The following PCDHGA1 variants were observed in gnomAD, a reference collection of about 807,000 sequenced individuals.
The protein encoded by PCDHGA1 is protocadherin gamma subfamily A, 1, also known as protocadherin gamma-A1.
Under a neutral mutation model 58.0 loss-of-function variants are expected in PCDHGA1, and 32 were observed. The ratio of observed to expected loss-of-function variants is 0.55; its 90% CI spans 0.42 to 0.74. The LOEUF (loss-of-function observed/expected upper bound fraction) is 0.74. PCDHGA1 is among the 30% of genes least tolerant of loss of function. The pLI, the probability that PCDHGA1 is intolerant of heterozygous loss-of-function variation, is 0.00. For missense variants in PCDHGA1, 1,205 were observed against 1,182.3 expected, an observed-to-expected ratio of 1.02 and a Z score of -0.28; for synonymous variants, 498 against 501.1, an observed-to-expected ratio of 0.99 and a Z score of 0.08.
intron 1 of PCDHGA1, chr5:141,408,920 C>T (rs772932702): frequency 1.9e-6 from 3 of 1,613,506 alleles, no homozygotes; most frequent in Admixed American, 1.7e-5. Context: ...TGATAACCCC[C>T]CGGTTTTCAG....
At chr5:141,418,489 G>C (rs774653264) in intron 1 of PCDHGA1, 26 of 1,613,874 alleles carry the variant, frequency 1.6e-5, no homozygotes, top group Admixed American at 1.5e-4. Context: ...CTCACCACTT[G>C]GTACTGACCG....
chr5:141,477,845 GT>G lies in PCDHGA1; in HGVS notation c.2422-16961del, dbSNP rs1562065234. ...ATATCCTCGGCCAGGTGGGAGCTCG[GT>G]GGAGATGCTGCCTCGAGGTACCTCA... is the stretch of plus-strand genomic sequence containing the variant. On this transcript the variant is annotated intron_variant, in intron 1 of 3. Coordinates refer to ENST00000517417, the MANE Select transcript of PCDHGA1 (RefSeq NM_018912.3). This position sits in a 1 kb window ranked among gnomAD's most constrained non-coding sequence, Gnocchi z 4.9. 1 of 1,614,038 alleles carries G rather than the reference GT, an allele frequency of 6.2e-7. No homozygotes were observed. Among genetic ancestry groups the G allele is most frequent in the East Asian group, 2.2e-5 (1 of 44,896 alleles).
chr5:141,346,023 G>A (rs371997485), intron 1 of PCDHGA1: 1 of 1,613,446 alleles, frequency 6.2e-7, no homozygotes, highest in Non-Finnish European at 8.5e-7. Flanking sequence ...CACCGTGGCC[G>A]TGGCCGACAG....
chr5:141,470,837 G>A (rs932315417), intron 1 of PCDHGA1, among the ~76,000 whole-genome samples: 4 of 151,948 alleles, frequency 2.6e-5, no homozygotes, highest in Non-Finnish European at 4.4e-5. Flanking sequence ...ACAAACACAC[G>A]CCACCATGCT....
intron 1 of PCDHGA1, chr5:141,398,850 A>T (rs2093714845): frequency 6.2e-7 from 1 of 1,613,864 alleles, no homozygotes; most frequent in East Asian, 2.2e-5. Context: ...ATCCCCCGGT[A>T]TTCAACCGAG....
intron 1 of PCDHGA1, chr5:141,478,541 G>T (rs905837179): frequency 1.2e-6 from 2 of 1,605,590 alleles, no homozygotes; most frequent in Non-Finnish European, 1.7e-6. Flanking sequence ...CGCCCCTCCC[G>T]GACAGGTAAG....
chr5:141,371,651 T>C, intron 1 of PCDHGA1: 1 of 1,613,998 alleles, frequency 6.2e-7, no homozygotes, highest in Admixed American at 1.7e-5. Flanking sequence ...CAGAATACAA[T>C]GTGACGATCA....
chr5:141,418,151 G>A (rs1276817622), intron 1 of PCDHGA1: 4 of 1,613,990 alleles, frequency 2.5e-6, no homozygotes, highest in East Asian at 4.5e-5. Context: ...AATATGCAAA[G>A]AGAGAAGAAG....
rs1345498022 is a variant in PCDHGA1 at position 141,493,312 on chromosome 5, A to G, written c.2422-1495A>G. On this transcript the variant is annotated intron_variant, in intron 1 of 3. Coordinates refer to ENST00000517417, the MANE Select transcript of PCDHGA1 (RefSeq NM_018912.3). This position sits in a 1 kb window ranked among gnomAD's most constrained non-coding sequence, Gnocchi z 4.3. ...CTCAAGTTCACAGAGCAAGTAAGAG[A>G]GATTCTAACCCCTGTCTAACTCCAG... 6.6e-6 allele frequency among the ~76,000 whole-genome samples: 1 copy of G among 152,174 alleles called. No individual in the cohort carries two copies. Among genetic ancestry groups the G allele is most frequent in the Non-Finnish European group, 1.5e-5 (1 of 68,028 alleles).
intron 1 of PCDHGA1, chr5:141,399,446 A>G (rs2093810942): frequency 6.2e-7 from 1 of 1,613,826 alleles, no homozygotes; most frequent in South Asian, 1.1e-5. Flanking sequence ...CATATCAGAG[A>G]CGTCAACGAT....
chr5:141,458,823 C>T (rs1185812086), intron 1 of PCDHGA1, among the ~76,000 whole-genome samples: 1 of 152,126 alleles, frequency 6.6e-6, no homozygotes, highest in African/African-American at 2.4e-5. Flanking sequence ...ACCTCTGCCT[C>T]CCAGGCTCAA....
intron 1 of PCDHGA1, chr5:141,382,815 C>T (rs1166972077): frequency 5.6e-6 from 7 of 1,260,548 alleles, no homozygotes; most frequent in Non-Finnish European, 7.7e-6. Flanking sequence ...GCTCCCCTTC[C>T]TAAGACAGAG....
intron 1 of PCDHGA1, chr5:141,383,465 C>T: frequency 6.2e-7 from 1 of 1,613,792 alleles, no homozygotes; most frequent in Non-Finnish European, 8.5e-7. Flanking sequence ...GACGATGAAA[C>T]TAAGTACCCG....
intron 1 of PCDHGA1, chr5:141,415,746 T>TTG: frequency 3.0e-6 from 2 of 662,596 alleles, no homozygotes; most frequent in Non-Finnish European, 3.7e-6. Flanking sequence ...TAAGGTTTTT[T>TTG]TTTTTTTTTT....
intron 1 of PCDHGA1, among the ~76,000 whole-genome samples, chr5:141,464,882 A>T (rs1418376370): frequency 6.6e-6 from 1 of 151,918 alleles, no homozygotes; most frequent in Middle Eastern, 3.2e-3. Context: ...AGGACTACAG[A>T]TGGATGCCAC....
intron 1 of PCDHGA1, among the ~76,000 whole-genome samples, chr5:141,444,006 G>T (rs1279816416): frequency 2.0e-5 from 3 of 152,012 alleles, no homozygotes; most frequent in Non-Finnish European, 4.4e-5. Flanking sequence ...TGCTACCTGG[G>T]TATTGGCTTC....
intron 1 of PCDHGA1, chr5:141,409,008 A>G (rs2095209237): frequency 6.2e-7 from 1 of 1,613,898 alleles, no homozygotes; most frequent in African/African-American, 1.3e-5. Context: ...GCCACTGACC[A>G]GGATGAGGGG....
intron 1 of PCDHGA1, chr5:141,341,612 G>C: frequency 1.1e-6 from 1 of 921,116 alleles, no homozygotes; most frequent in Non-Finnish European, 1.6e-6. Flanking sequence ...TGTAAACCAG[G>C]AGTTAATAGA....
chr5:141,492,091 C>G (rs930375969), intron 1 of PCDHGA1, among the ~76,000 whole-genome samples: 5 of 152,242 alleles, frequency 3.3e-5, no homozygotes, highest in Non-Finnish European at 5.9e-5. Flanking sequence ...CACGCTTCGC[C>G]GGTCTGTAGA....
Sources: allele counts gnomAD v4.1 joint callset (sites outside exome capture counted in the v4.1 genomes callset), GRCh38; gene constraint gnomAD v4.1.1; non-coding constraint Gnocchi (gnomAD v3.1); transcripts MANE v1.5; gene names NCBI Gene and HGNC (gene_info 2026-07-23, HGNC 2026-07-21).